Variants in ENPP2 observed in about 807,000 individuals in gnomAD.
ENPP2 encodes the protein autotaxin.
A neutral mutation model predicts 120.2 loss-of-function variants in ENPP2; 51 were observed. That is an observed-to-expected ratio of 0.42 (90% CI 0.34 to 0.54). The LOEUF (loss-of-function observed/expected upper bound fraction) is 0.54. ENPP2 is among the 20% of genes least tolerant of loss of function. ENPP2 has a pLI of 0.04. For synonymous variants in ENPP2, 365 were observed against 366.4 expected (o/e 1.00, Z 0.04); for missense variants, 920 against 1,066.5 (o/e 0.86, Z 1.91).
chr8:119,561,235 C>T (rs940489376), intron 24 of ENPP2, among the ~76,000 whole-genome samples: 1 of 152,192 alleles, frequency 6.6e-6, no homozygotes, highest in African/African-American at 2.4e-5. Flanking sequence ...AACTATCTTG[C>T]CCACAAAGCT....
intron 1 of ENPP2, among the ~76,000 whole-genome samples, chr8:119,649,855 A>G (rs2130870752): frequency 6.6e-6 from 1 of 152,324 alleles, no homozygotes; most frequent in Admixed American, 6.5e-5. Flanking sequence ...GTGAGATACC[A>G]CTTTACCCCC....
chr8:119,569,206 G>C (rs900312816), intron 21 of ENPP2, 29 bp downstream of exon 21: 19 of 1,609,582 alleles, frequency 1.2e-5, no homozygotes, highest in Admixed American at 1.7e-5. Flanking sequence ...TCCCTCTGAA[G>C]GCATCAGATC....
intron 20 of ENPP2, 102 bp downstream of exon 20, chr8:119,570,603 T>A (rs1019887113): frequency 1.4e-5 from 9 of 639,702 alleles, no homozygotes; most frequent in Non-Finnish European, 2.1e-5. Flanking sequence ...TAAGAAAAAA[T>A]AAAATATTTT....
chr8:119,598,049 A>C (rs1814027811), intron 11 of ENPP2, among the ~76,000 whole-genome samples: 1 of 152,246 alleles, frequency 6.6e-6, no homozygotes, highest in Non-Finnish European at 1.5e-5. Flanking sequence ...CATGTATAAT[A>C]AGTGTAAATG....
chr8:119,651,487 A>G (rs1201238631), intron 1 of ENPP2, among the ~76,000 whole-genome samples: 1 of 152,226 alleles, frequency 6.6e-6, no homozygotes, highest in Non-Finnish European at 1.5e-5. Context: ...TCAAGTGCCT[A>G]TTAAGTGGGG....
intron 3 of ENPP2, among the ~76,000 whole-genome samples, chr8:119,624,982 C>T (rs1303575146): frequency 6.6e-6 from 1 of 152,058 alleles, no homozygotes; most frequent in East Asian, 1.9e-4. Context: ...GATATTATAT[C>T]CCATCCTTAA....
At chr8:119,641,352 A>T (rs1274048084), upstream of ENPP2, among the ~76,000 whole-genome samples, 2 of 152,122 alleles carry the variant, frequency 1.3e-5, no homozygotes, top group Non-Finnish European at 2.9e-5. Flanking sequence ...CACAGTGCAT[A>T]AAGTAGGTTA....
chr8:119,572,146 C>A (rs369465939), intron 19 of ENPP2: 60 of 1,431,078 alleles, frequency 4.2e-5, no homozygotes, highest in Middle Eastern at 3.5e-4. Flanking sequence ...GTAAAACAAC[C>A]CAGACTTTCC....
chr8:119,566,562 G>T (rs1814464792), intron 22 of ENPP2, among the ~76,000 whole-genome samples: 1 of 152,104 alleles, frequency 6.6e-6, no homozygotes, highest in Admixed American at 6.5e-5. Context: ...AAATGGAGAG[G>T]AAGAGAAGGA....
intron 2 of ENPP2, among the ~76,000 whole-genome samples, chr8:119,628,116 T>C (rs1446266364): frequency 1.3e-5 from 2 of 151,930 alleles, no homozygotes; most frequent in Non-Finnish European, 2.9e-5. Flanking sequence ...GATAGCAAAG[T>C]ATATTCTGAA....
At chr8:119,605,338 C>G (rs1315346242) in intron 9 of ENPP2, among the ~76,000 whole-genome samples, 2 of 151,900 alleles carry the variant, frequency 1.3e-5, no homozygotes, top group Non-Finnish European at 2.9e-5. Flanking sequence ...AGTGCTGAGA[C>G]TACAGGCATG....
intron 2 of ENPP2, among the ~76,000 whole-genome samples, chr8:119,634,574 G>A (rs962968690): frequency 2.0e-5 from 3 of 152,134 alleles, no homozygotes; most frequent in Admixed American, 6.6e-5. Flanking sequence ...AAATAAAAGC[G>A]ACTTTATCCC....
chr8:119,644,587 A>AATATATATATATATATATATATATAT (rs33966650), intron 1 of ENPP2, among the ~76,000 whole-genome samples: 1 of 59,976 alleles, frequency 1.7e-5, no homozygotes, highest in Non-Finnish European at 3.3e-5. Context: ...AGATTACTAA[A>AATATATATATATATATATATATATAT]ATATATATAT....
chr8:119,565,834 C>T (rs909599012), intron 22 of ENPP2, among the ~76,000 whole-genome samples: 1 of 152,072 alleles, frequency 6.6e-6, no homozygotes, highest in African/African-American at 2.4e-5. Context: ...CCAGACGGAG[C>T]CTTTTACACC....
intron 12 of ENPP2, among the ~76,000 whole-genome samples, chr8:119,593,211 T>C (rs1421134972): frequency 6.6e-6 from 1 of 152,204 alleles, no homozygotes; most frequent in Admixed American, 6.5e-5. Flanking sequence ...CTTCTTCCTC[T>C]CTTTAACAGT....
chr8:119,617,398 C>T, intron 6 of ENPP2, 68 bp downstream of exon 6: 1 of 1,228,540 alleles, frequency 8.1e-7, no homozygotes, highest in Non-Finnish European at 1.2e-6. Flanking sequence ...TCTCAAAGCC[C>T]ACAGCCCACT....
Position 119,593,907 on chromosome 8 carries a change from C to T in ENPP2, c.973-47G>A, listed in dbSNP as rs187967476. 2.3e-4 allele frequency: 249 copies of T among 1,080,474 alleles called. 1 individual carries two copies. The African/African-American group carries it at 2.7e-3, about 12-fold the overall frequency. 66.9% of individuals were successfully genotyped at this position (1,080,474 alleles called of 1,614,324 possible). On this transcript the variant is annotated intron_variant, in intron 11 of 24. Coordinates refer to ENST00000075322, the MANE Select transcript of ENPP2 (RefSeq NM_001040092.3). ...GTCCCCACAGGGTTTTCTTTCTTTCCCTTTCAGTCTCTCATAGATCTTCTA... is the reference window on the plus strand; with the variant it reads ...GTCCCCACAGGGTTTTCTTTCTTTCTCTTTCAGTCTCTCATAGATCTTCTA...
At chr8:119,661,698 G>A (rs972658297) in intron 1 of ENPP2, among the ~76,000 whole-genome samples, 2 of 152,130 alleles carry the variant, frequency 1.3e-5, no homozygotes, top group East Asian at 1.9e-4. Context: ...AAATCAGCAC[G>A]TTGAAGAGAT....
intron 1 of ENPP2, among the ~76,000 whole-genome samples, chr8:119,656,885 G>T (rs1817778336): frequency 6.6e-6 from 1 of 152,072 alleles, no homozygotes; most frequent in Admixed American, 6.6e-5. Context: ...GGTAGTTATA[G>T]AATTGCATGA....
Sources: gnomAD v4.1 joint callset for allele counts (sites outside exome capture counted in the v4.1 genomes callset) on GRCh38, gnomAD v4.1.1 for gene constraint, MANE v1.5 for transcripts, NCBI Gene and HGNC (gene_info 2026-07-23, HGNC 2026-07-21) for gene names.